EPHA4: variants seen among roughly 807,000 people sequenced by gnomAD.
The protein encoded by EPHA4 is ephrin type-A receptor 4.
Under a neutral mutation model 108.3 loss-of-function variants are expected in EPHA4, and 19 were observed. The observed-to-expected ratio is 0.18, with a 90% CI of 0.12 to 0.26. EPHA4 has a LOEUF of 0.26. EPHA4 is among the 10% of genes least tolerant of loss of function. EPHA4 has a pLI of 1.00. For synonymous variants in EPHA4, 449 were observed against 455.5 expected (o/e 0.99, Z 0.18); for missense variants, 917 against 1,254.0 (o/e 0.73, Z 4.06).
chr2:221,501,276 G>C lies in EPHA4; in HGVS notation c.824-104C>G, dbSNP rs530008886. ...GTTTCAGAAGAAGGGAGACGTTCTT[G>C]CTAATCATTAGCGATCATGTGGCTT... On this transcript the variant is annotated intron_variant, in intron 3 of 17. Coordinates refer to ENST00000281821, the MANE Select transcript of EPHA4 (RefSeq NM_004438.5). The C allele has an allele frequency of 1.1e-5, 11 of 1,032,308 alleles. No homozygotes were observed. The South Asian group carries it at 1.6e-4, about 15-fold the overall frequency. The allele number at this position is 1,032,308 out of a possible 1,614,324, so 63.9% of individuals were successfully genotyped here.
Position 221,572,149 on chromosome 2 carries a change from C to T in EPHA4, c.91+9G>A, listed in dbSNP as rs769263657. The T allele has an allele frequency of 4.8e-5, 77 of 1,612,722 alleles. No individual in the cohort carries two copies. Among genetic ancestry groups the T allele is most frequent in the Non-Finnish European group, 5.9e-5 (69 of 1,178,946 alleles). On this transcript the variant is annotated intron_variant, in intron 1 of 17. Coordinates refer to ENST00000281821, the MANE Select transcript of EPHA4 (RefSeq NM_004438.5). ...GTCCCCGACCACAGAAAGGCCGTCC[C>T]GCTCTTACCTTCATTCGCGGGGTAT...
chr2:221,452,678 AC>A (rs1446375731), intron 8 of EPHA4, among the ~76,000 whole-genome samples: 2 of 151,192 alleles, frequency 1.3e-5, no homozygotes, highest in African/African-American at 4.9e-5. Context: ...AGGACCAATC[AC>A]CAAGCACTGT....
At chr2:221,467,643 T>C (rs756680674) in intron 5 of EPHA4, among the ~76,000 whole-genome samples, 1 of 152,322 alleles carries the variant, frequency 6.6e-6, no homozygotes, top group East Asian at 1.9e-4. Context: ...GGATCGGTTA[T>C]AAAATTATAA....
chr2:221,478,916 C>T (rs1026070536), intron 5 of EPHA4, among the ~76,000 whole-genome samples: 2 of 152,232 alleles, frequency 1.3e-5, no homozygotes, highest in Non-Finnish European at 2.9e-5. Flanking sequence ...GACAGACATT[C>T]AGATTTCCTT....
chr2:221,437,417 G>T (rs1690275130), intron 11 of EPHA4: 1 of 261,194 alleles, frequency 3.8e-6, no homozygotes, highest in East Asian at 7.2e-5. Context: ...GCTCTCTCAA[G>T]CAAAAGGGGA....
chr2:221,440,433 G>A (rs953503519), intron 11 of EPHA4, among the ~76,000 whole-genome samples: 2 of 152,146 alleles, frequency 1.3e-5, no homozygotes, highest in Admixed American at 1.3e-4. Context: ...AGTATTTAAA[G>A]GGAATGTTAT....
At chr2:221,541,768 T>A (rs74690214) in intron 3 of EPHA4, among the ~76,000 whole-genome samples, 2,774 of 152,296 alleles carry the variant, frequency 0.018, 85 homozygotes, top group East Asian at 0.082. Context: ...AACAGAGTAA[T>A]ACTCTTTATA....
chr2:221,558,120 C>T (rs985374239), intron 3 of EPHA4, among the ~76,000 whole-genome samples: 2 of 152,044 alleles, frequency 1.3e-5, no homozygotes, highest in Admixed American at 6.5e-5. Flanking sequence ...TAATATACAG[C>T]GATATCTATG....
In EPHA4 at chr2:221,436,453, A is replaced by G; in HGVS notation, c.2292T>C (p.Asp764=). The change falls in exon 13 of 18, where the codon GAT becomes GAC. Residue 764 remains aspartate, a synonymous_variant. Transcript: ENST00000281821. ...VNSNLVCKVS[D]FGMSRVLEDD... ...CCTCAAGCACTCGGGACATGCCAAAATCAGACACTTTGCAGACCAAGTTGC... is the reference window on the plus strand; with the variant it reads ...CCTCAAGCACTCGGGACATGCCAAAGTCAGACACTTTGCAGACCAAGTTGC... The G allele has an allele frequency of 6.2e-7, 1 of 1,614,166 alleles. No homozygotes were observed. Among genetic ancestry groups the G allele is most frequent in the Non-Finnish European group, 8.5e-7 (1 of 1,180,016 alleles).
chr2:221,443,431 A>T (rs530510386), intron 10 of EPHA4, 62 bp downstream of exon 10: 6 of 1,217,164 alleles, frequency 4.9e-6, no homozygotes, highest in Admixed American at 1.8e-5. Context: ...TGTAATCCAC[A>T]CACATATTTA....
chr2:221,457,735 G>A (rs1691004539), intron 6 of EPHA4, 131 bp downstream of exon 6: 1 of 993,460 alleles, frequency 1.0e-6, no homozygotes, highest in Admixed American at 2.6e-5. Flanking sequence ...AAAGGAGGAT[G>A]GGAAGGAGTC....
intron 2 of EPHA4, among the ~76,000 whole-genome samples, chr2:221,567,649 C>CA (rs1235898855): frequency 6.6e-6 from 1 of 152,206 alleles, no homozygotes; most frequent in Non-Finnish European, 1.5e-5. Context: ...TAAAATTCTC[C>CA]ATTTTCATGA....
chr2:221,513,146 A>G (rs1252262511), intron 3 of EPHA4, among the ~76,000 whole-genome samples: 1 of 152,244 alleles, frequency 6.6e-6, no homozygotes. Context: ...TGAGGTGGGT[A>G]CTGTGGGTAT....
At chr2:221,467,812 T>A (rs1468972121) in intron 5 of EPHA4, among the ~76,000 whole-genome samples, 3 of 152,188 alleles carry the variant, frequency 2.0e-5, no homozygotes, top group Non-Finnish European at 4.4e-5. Flanking sequence ...CTAAGAAATT[T>A]GTTGGCAGGT....
At chr2:221,461,376 G>T (rs976262984) in intron 5 of EPHA4, among the ~76,000 whole-genome samples, 4 of 152,104 alleles carry the variant, frequency 2.6e-5, no homozygotes, top group South Asian at 2.1e-4. Context: ...GGAGATAATA[G>T]AATTTTTTTA....
At chr2:221,440,232 G>A (rs1457467564) in intron 11 of EPHA4, among the ~76,000 whole-genome samples, 2 of 152,200 alleles carry the variant, frequency 1.3e-5, no homozygotes, top group Non-Finnish European at 2.9e-5. Flanking sequence ...ACTGCATTAT[G>A]CAAATGCATC....
At position 221,513,153 on chromosome 2, in the gene EPHA4, G is replaced by A. The variant is rs1333932303; in HGVS notation, c.824-11981C>T. Among the ~76,000 whole-genome samples the A allele has an allele frequency of 2.0e-5, 3 of 152,184 alleles. No homozygotes were observed. The East Asian group carries it at 5.8e-4, about 29-fold the overall frequency. ...CAAAACACTGAGGTGGGTACTGTGG[G>A]TATCACCCAAACTAATTTAGACAAG... On this transcript the variant is annotated intron_variant, in intron 3 of 17. Coordinates refer to ENST00000281821, the MANE Select transcript of EPHA4 (RefSeq NM_004438.5).
chr2:221,492,154 C>T (rs1054542574), intron 4 of EPHA4, among the ~76,000 whole-genome samples: 4 of 152,234 alleles, frequency 2.6e-5, no homozygotes, highest in East Asian at 3.9e-4. Flanking sequence ...TGACAGGACT[C>T]GGTCAATGAC....
In EPHA4 at chr2:221,482,368, C is replaced by G; in HGVS notation, c.1302G>C (p.Val434=). The stretch of plus-strand genomic sequence containing the variant: ...AATTCCTACCTGCTTGGTTGGTGGT[C>G]ACAGTGACAGAAACTGATTGGTCTG... ...PNPDQSVSVT[V]TTNQAAPSSI... The change falls in exon 5 of 18, where the codon GTG becomes GTC. Residue 434 remains valine, a synonymous_variant. Transcript: ENST00000281821. 1.2e-6 allele frequency: 2 copies of G among 1,603,232 alleles called. No individual in the cohort carries two copies. Among genetic ancestry groups the G allele is most frequent in the Non-Finnish European group, 8.5e-7 (1 of 1,172,182 alleles).
Sources: gnomAD v4.1 joint callset for allele counts (sites outside exome capture counted in the v4.1 genomes callset) on GRCh38, gnomAD v4.1.1 for gene constraint, MANE v1.5 for transcripts, NCBI Gene and HGNC (gene_info 2026-07-23, HGNC 2026-07-21) for gene names.